Variants in OPHN1 observed in about 807,000 individuals in gnomAD.
OPHN1 encodes oligophrenin 1.
OPHN1 carries 11 observed loss-of-function variants against 60.7 expected under a neutral mutation model. The observed-to-expected ratio is 0.18, with a 90% CI of 0.11 to 0.30. The LOEUF (loss-of-function observed/expected upper bound fraction) is 0.30, where lower values mean the gene tolerates loss of function less well. OPHN1 is among the 10% of genes least tolerant of loss of function. OPHN1 has a pLI of 1.00. For missense variants in OPHN1, 449 were observed against 611.0 expected, an observed-to-expected ratio of 0.73 and a Z score of 2.80; for synonymous variants, 226 against 222.6, an observed-to-expected ratio of 1.02 and a Z score of -0.14.
intron 10 of OPHN1, 34 bp from the exon 11 acceptor site, chrX:68,201,744 A>T (rs754106021): frequency 1.1e-4 from 124 of 1,102,286 alleles, no homozygotes; most frequent in Non-Finnish European, 1.4e-4. Context: ...GGCAATTTTT[A>T]AAAAAAGACA....
chrX:68,407,972 G>T (rs913461565), intron 2 of OPHN1, among the ~76,000 whole-genome samples: 2 of 112,094 alleles, frequency 1.8e-5, no homozygotes, highest in Admixed American at 9.5e-5. Context: ...TTTTGTTGTT[G>T]GTGGTGGTGT....
At chrX:68,166,076 G>A (rs893220170) in intron 15 of OPHN1, among the ~76,000 whole-genome samples, 3 of 112,228 alleles carry the variant, frequency 2.7e-5, no homozygotes, top group Non-Finnish European at 5.6e-5. Flanking sequence ...ACACCTACAT[G>A]AAGGGGTTAG....
intron 19 of OPHN1, among the ~76,000 whole-genome samples, chrX:68,078,006 A>T: frequency 8.9e-6 from 1 of 111,817 alleles, no homozygotes; most frequent in East Asian, 2.8e-4. Flanking sequence ...AAAGAAGATC[A>T]TGTCTATGAG....
intron 15 of OPHN1, chrX:68,132,879 G>A (rs930776085): frequency 3.4e-6 from 1 of 297,553 alleles, no homozygotes; most frequent in Non-Finnish European, 5.9e-6. Context: ...CGAACCAGGC[G>A]ACGCTGAAGC....
chrX:68,263,228 C>T (rs1051021522), intron 5 of OPHN1, among the ~76,000 whole-genome samples: 11 of 111,430 alleles, frequency 9.9e-5, no homozygotes, highest in South Asian at 7.7e-4. Flanking sequence ...TTCCTCCCTA[C>T]GAACCTCCAC....
chrX:68,283,136 A>C lies in OPHN1; in HGVS notation c.251-19T>G, dbSNP rs757530654. 2.6e-6 allele frequency: 3 copies of C among 1,159,248 alleles called. No homozygotes were observed. Among genetic ancestry groups the C allele is most frequent in the Non-Finnish European group, 3.5e-6 (3 of 848,445 alleles). On this transcript the variant is annotated intron_variant, in intron 3 of 24. Transcript: ENST00000355520. ...GATTCAGCTGGAAGGAGAGAATCAAATGTAAAACAAATTAATCATGGTGCT... is the reference window on the plus strand; with the variant it reads ...GATTCAGCTGGAAGGAGAGAATCAACTGTAAAACAAATTAATCATGGTGCT...
intron 18 of OPHN1, among the ~76,000 whole-genome samples, chrX:68,098,954 A>G (rs1042329444): frequency 9.0e-6 from 1 of 111,304 alleles, no homozygotes; most frequent in Non-Finnish European, 1.9e-5. Flanking sequence ...ATTCAAGCCC[A>G]TATTTGTTGC....
At chrX:68,139,469 G>T (rs1308523909) in intron 15 of OPHN1, among the ~76,000 whole-genome samples, 1 of 111,147 alleles carries the variant, frequency 9.0e-6, no homozygotes, top group Non-Finnish European at 1.9e-5. Flanking sequence ...TTTGATAATT[G>T]TTGGAGCAAC....
chrX:68,171,172 C>A lies in OPHN1; in HGVS notation c.1276+21747G>T, dbSNP rs144947503. On this transcript the variant is annotated intron_variant, in intron 15 of 24. Transcript: ENST00000355520. ...GATAAATGCTTGAGGTGATGGATAC[C>A]CTATTTCCCATGATGTGATTATTAT... is the stretch of plus-strand genomic sequence containing the variant. Among the ~76,000 whole-genome samples the A allele has an allele frequency of 4.0e-3, 438 of 109,850 alleles. 2 individuals carry two copies. The highest frequency in any genetic ancestry group is 0.014 in the African/African-American group (422 of 30,310).
chrX:68,335,421 G>T (rs1227520370), intron 2 of OPHN1, among the ~76,000 whole-genome samples: 1 of 111,936 alleles, frequency 8.9e-6, no homozygotes, highest in African/African-American at 3.2e-5. Flanking sequence ...ACGTAGAGTG[G>T]TGCCTGAGAA....
chrX:68,378,001 A>G (rs1270551712), intron 2 of OPHN1, among the ~76,000 whole-genome samples: 26 of 112,072 alleles, frequency 2.3e-4, no homozygotes, highest in Middle Eastern at 4.6e-3. Context: ...CTGAGGAATC[A>G]CCACACTGAC....
intron 3 of OPHN1, among the ~76,000 whole-genome samples, chrX:68,298,569 C>T (rs1446411111): frequency 9.0e-6 from 1 of 111,347 alleles, no homozygotes; most frequent in African/African-American, 3.3e-5. Flanking sequence ...AATCCAATTC[C>T]CAAGAGAGAT....
chrX:68,199,336 TATAAAAA>T (rs1481122413), intron 11 of OPHN1, among the ~76,000 whole-genome samples: 1 of 110,093 alleles, frequency 9.1e-6, no homozygotes, highest in Non-Finnish European at 1.9e-5. Context: ...GTCCCATAGC[TATAAAAA>T]ATAAAAAATT....
chrX:68,392,358 C>T (rs1476907134), intron 2 of OPHN1, among the ~76,000 whole-genome samples: 2 of 111,236 alleles, frequency 1.8e-5, no homozygotes, highest in African/African-American at 6.5e-5. Context: ...ATAAGCCTTC[C>T]GGTCAATGGT....
At chrX:68,061,723 G>T (rs1364547793) in intron 21 of OPHN1, among the ~76,000 whole-genome samples, 1 of 111,473 alleles carries the variant, frequency 9.0e-6, no homozygotes, top group Admixed American at 9.5e-5. Context: ...GGAAACCAAG[G>T]TACAAACAGC....
intron 12 of OPHN1, among the ~76,000 whole-genome samples, chrX:68,194,907 G>A (rs1202296669): frequency 2.8e-5 from 3 of 107,496 alleles, no homozygotes; most frequent in Non-Finnish European, 5.8e-5. Context: ...GGTGGAGGCT[G>A]CAGTGAGCTG....
chrX:68,114,867 G>A (rs1221080596), intron 16 of OPHN1, among the ~76,000 whole-genome samples: 1 of 111,778 alleles, frequency 8.9e-6, no homozygotes, highest in East Asian at 2.8e-4. Flanking sequence ...TTTGGTTTGG[G>A]TGAGTGAATA....
At chrX:68,179,748 G>C (rs1400127467) in intron 15 of OPHN1, among the ~76,000 whole-genome samples, 1 of 111,807 alleles carries the variant, frequency 8.9e-6, no homozygotes, top group Non-Finnish European at 1.9e-5. Context: ...GGTAATTTAT[G>C]AACCAGTTTA....
chrX:68,126,769 C>A (rs2077173685), intron 15 of OPHN1, among the ~76,000 whole-genome samples: 1 of 111,987 alleles, frequency 8.9e-6, no homozygotes, highest in Admixed American at 9.5e-5. Context: ...TTACATACAT[C>A]TTTGTGACAA....
Sources: gnomAD v4.1 joint callset for allele counts (sites outside exome capture counted in the v4.1 genomes callset) on GRCh38, gnomAD v4.1.1 for gene constraint, MANE v1.5 for transcripts, NCBI Gene and HGNC (gene_info 2026-07-23, HGNC 2026-07-21) for gene names.